FRMD4A: variants seen among roughly 807,000 people sequenced by gnomAD.
The protein encoded by FRMD4A is FERM domain containing 4A, also known as FERM domain-containing protein 4A.
In FRMD4A, 29 loss-of-function variants were observed where a neutral mutation model predicts 129.1. That is an observed-to-expected ratio of 0.22 (90% CI 0.17 to 0.31). The LOEUF is 0.31. Ranked by LOEUF, FRMD4A falls within the 10% of genes least tolerant of loss-of-function variation. The pLI is 1.00. For missense variants in FRMD4A, 1,272 were observed against 1,375.8 expected (o/e 0.92, Z 1.19); for synonymous variants, 634 against 571.6 (o/e 1.11, Z -1.56).
At chr10:13,784,660 C>T (rs2092811388) in intron 5 of FRMD4A, among the ~76,000 whole-genome samples, 3 of 152,068 alleles carry the variant, frequency 2.0e-5, no homozygotes, top group African/African-American at 4.8e-5. Context: ...TCAATGGTAG[C>T]GTTATCCTTC....
intron 3 of FRMD4A, among the ~76,000 whole-genome samples, chr10:13,823,360 G>A (rs560188821): frequency 2.6e-5 from 4 of 152,306 alleles, no homozygotes; most frequent in Admixed American, 2.0e-4. Flanking sequence ...TGAGTCTAGC[G>A]TGGCTCCCCT....
At chr10:13,842,164 T>C (rs2093977961) in intron 3 of FRMD4A, among the ~76,000 whole-genome samples, 1 of 152,098 alleles carries the variant, frequency 6.6e-6, no homozygotes, top group Non-Finnish European at 1.5e-5. Flanking sequence ...ACCCCCAAGG[T>C]TGGTTGAACT....
At chr10:13,684,703 CAG>C (rs935548982) in intron 15 of FRMD4A, 2 of 985,136 alleles carry the variant, frequency 2.0e-6, no homozygotes, top group African/African-American at 3.5e-5. Context: ...GTTTTTGACA[CAG>C]AGGGGATATT....
At chr10:13,654,277 G>C (rs2081944482) in intron 23 of FRMD4A, 139 bp downstream of exon 23, 1 of 691,292 alleles carries the variant, frequency 1.4e-6, no homozygotes, top group African/African-American at 1.8e-5. Flanking sequence ...AGATCATGGG[G>C]CTTCTCTTGA....
intron 2 of FRMD4A, among the ~76,000 whole-genome samples, chr10:14,208,365 G>A (rs550037664): frequency 6.6e-6 from 1 of 152,230 alleles, no homozygotes; most frequent in South Asian, 2.1e-4. Flanking sequence ...TCTGGGGAGG[G>A]CTGTCCTCTC....
intron 2 of FRMD4A, among the ~76,000 whole-genome samples, chr10:13,967,056 G>C (rs2095489426): frequency 6.6e-6 from 1 of 152,220 alleles, no homozygotes; most frequent in Non-Finnish European, 1.5e-5. Flanking sequence ...TGACACAACG[G>C]GCCGGGCGCG....
At chr10:14,015,504 C>A (rs1168952316) in intron 2 of FRMD4A, among the ~76,000 whole-genome samples, 1 of 151,818 alleles carries the variant, frequency 6.6e-6, no homozygotes, top group African/African-American at 2.4e-5. Context: ...AGCAGACAGG[C>A]AAATGAGATA....
intron 2 of FRMD4A, among the ~76,000 whole-genome samples, chr10:14,130,843 C>T (rs887588560): frequency 2.1e-4 from 32 of 152,300 alleles, no homozygotes; most frequent in African/African-American, 7.7e-4. Flanking sequence ...GCCCCTGGCT[C>T]TTACTAGGCC....
At chr10:14,090,190 C>T (rs1836580179) in intron 2 of FRMD4A, among the ~76,000 whole-genome samples, 1 of 152,196 alleles carries the variant, frequency 6.6e-6, no homozygotes, top group Non-Finnish European at 1.5e-5. Flanking sequence ...GACACTCTTG[C>T]TCTTGCCTGA....
chr10:13,652,021 C>G (rs1314071851), intron 23 of FRMD4A, 47 bp from the exon 24 acceptor site: 3 of 975,564 alleles, frequency 3.1e-6, no homozygotes, highest in Non-Finnish European at 5.0e-6. Flanking sequence ...GGTCATGTTA[C>G]AGAGAGACAC....
chr10:14,256,842 T>A (rs1844631259), intron 2 of FRMD4A, among the ~76,000 whole-genome samples: 1 of 151,596 alleles, frequency 6.6e-6, no homozygotes, highest in Admixed American at 6.6e-5. Flanking sequence ...AAAATAAAAA[T>A]AAAAAATAAA....
intron 12 of FRMD4A, among the ~76,000 whole-genome samples, chr10:13,723,444 G>A (rs1005496070): frequency 1.2e-4 from 19 of 152,292 alleles, no homozygotes; most frequent in African/African-American, 4.1e-4. Flanking sequence ...CCAGCAGATG[G>A]GGGGAGAGAA....
chr10:13,992,727 G>A (rs924011420), intron 2 of FRMD4A, among the ~76,000 whole-genome samples: 5 of 152,020 alleles, frequency 3.3e-5, no homozygotes, highest in African/African-American at 7.2e-5. Context: ...GCCAAGACAC[G>A]CGGATCACCT....
intron 2 of FRMD4A, among the ~76,000 whole-genome samples, chr10:13,966,644 A>G (rs941913492): frequency 1.3e-5 from 2 of 152,238 alleles, no homozygotes; most frequent in Non-Finnish European, 2.9e-5. Context: ...AGTGCTGTTT[A>G]GAGAAGGGGA....
intron 15 of FRMD4A, among the ~76,000 whole-genome samples, chr10:13,686,894 C>T (rs993111786): frequency 6.6e-6 from 1 of 152,216 alleles, no homozygotes; most frequent in Non-Finnish European, 1.5e-5. Flanking sequence ...CCACACGTCC[C>T]TGCAGCACAC....
rs1309144969 is a variant in FRMD4A at position 13,714,058 on chromosome 10, A to ATATG, written c.760-6946_760-6945insCATA. Among the ~76,000 whole-genome samples the ATATG allele has an allele frequency of 3.6e-3, 436 of 122,102 alleles. 17 individuals are homozygous for ATATG. Among genetic ancestry groups the ATATG allele is most frequent in the Non-Finnish European group, 5.4e-3 (324 of 60,476 alleles). The allele number at this position is 122,102 out of a possible 152,430, so 80.1% of individuals were successfully genotyped here. On this transcript the variant is annotated intron_variant, in intron 12 of 24. Transcript: ENST00000357447. ...TATATATATATATATATATATATATATAAAATATACTTTTTTTTTGAGACA... is the reference window on the plus strand; with the variant it reads ...TATATATATATATATATATATATATATATGTAAAATATACTTTTTTTTTGAGACA...
intron 2 of FRMD4A, among the ~76,000 whole-genome samples, chr10:14,284,558 CAGG>C (rs908756972): frequency 1.3e-5 from 2 of 152,144 alleles, no homozygotes; most frequent in Admixed American, 1.3e-4. Context: ...GAGGCTGAGG[CAGG>C]AGAATCATCT....
At chr10:14,291,401 A>C (rs1845846705) in intron 2 of FRMD4A, among the ~76,000 whole-genome samples, 1 of 152,128 alleles carries the variant, frequency 6.6e-6, no homozygotes, top group Admixed American at 6.5e-5. Flanking sequence ...AAATATAGAT[A>C]TTCTGACCCA....
intron 2 of FRMD4A, among the ~76,000 whole-genome samples, chr10:14,013,767 A>G (rs2095689495): frequency 1.3e-5 from 2 of 152,174 alleles, no homozygotes; most frequent in African/African-American, 4.8e-5. Context: ...CCCCGTCTCT[A>G]CCAAAAATAC....
Sources: gnomAD v4.1 joint callset for allele counts (sites outside exome capture counted in the v4.1 genomes callset) on GRCh38, gnomAD v4.1.1 for gene constraint, MANE v1.5 for transcripts, NCBI Gene and HGNC (gene_info 2026-07-23, HGNC 2026-07-21) for gene names.